Variants in GCNT2 observed in about 807,000 individuals in gnomAD.
GCNT2 encodes N-acetyllactosaminide beta-1,6-N-acetylglucosaminyl-transferase.
GCNT2 carries 34 observed loss-of-function variants against 34.2 expected under a neutral mutation model. The observed-to-expected ratio is 1.00, with a 90% CI of 0.76 to 1.32. GCNT2 has a LOEUF of 1.32. Ranked by LOEUF, GCNT2 falls within the 40% of genes most tolerant of loss-of-function variation. GCNT2 has a pLI of 0.00. For missense variants in GCNT2, 584 were observed against 489.4 expected (o/e 1.19, Z -1.82); for synonymous variants, 212 against 188.0 (o/e 1.13, Z -1.04).
rs769852310 is a variant in GCNT2, at chr6:10,561,183, G to C, written c.925+31347G>C. Among the ~76,000 whole-genome samples the C allele has an allele frequency of 9.7e-4, 145 of 149,562 alleles. 1 individual carries two copies. Among genetic ancestry groups the C allele is most frequent in the Admixed American group, 8.6e-4 (13 of 15,080 alleles). On this transcript the variant is annotated intron_variant, in intron 3 of 4. Transcript: ENST00000495262. ...TTTTCTTTTCTTTTTCTTTTTTTTT[G>C]AGACAGAGTTTCACTCTTGCCCAGG...
chr6:10,552,074 A>C (rs1430440530), intron 3 of GCNT2, among the ~76,000 whole-genome samples: 2 of 152,130 alleles, frequency 1.3e-5, no homozygotes, highest in Non-Finnish European at 2.9e-5. Flanking sequence ...TGAGAATTTA[A>C]AATAATGCTT....
intron 4 of GCNT2, among the ~76,000 whole-genome samples, chr6:10,622,742 CTTTTTTTTTTTTT>C (rs36097125): frequency 1.2e-4 from 9 of 74,474 alleles, no homozygotes; most frequent in Non-Finnish European, 2.4e-4. Context: ...CTCAGTCCAT[CTTTTTTTTTTTTT>C]TTTTTTTTTT....
chr6:10,555,851 G>C, intron 3 of GCNT2: 1 of 985,452 alleles, frequency 1.0e-6, no homozygotes, highest in South Asian at 4.7e-5. Context: ...GAAAACAGAA[G>C]CTATTTTCTA....
intron 3 of GCNT2, among the ~76,000 whole-genome samples, chr6:10,553,359 G>A (rs1762559589): frequency 6.6e-6 from 1 of 152,132 alleles, no homozygotes; most frequent in Admixed American, 6.6e-5. Flanking sequence ...AGTTGACTTA[G>A]CCTGGCATGT....
At chr6:10,535,392 C>A (rs1168808706) in intron 3 of GCNT2, among the ~76,000 whole-genome samples, 1 of 152,180 alleles carries the variant, frequency 6.6e-6, no homozygotes, top group African/African-American at 2.4e-5. Flanking sequence ...CCTTTTTCCT[C>A]TCCCCACTTC....
intron 2 of GCNT2, 171 bp from the exon 3 acceptor site, chr6:10,528,460 A>T: frequency 4.6e-6 from 1 of 215,704 alleles, no homozygotes; most frequent in Non-Finnish European, 9.4e-6. Flanking sequence ...ATTAACAGGA[A>T]GCAGGGGAGG....
intron 3 of GCNT2, among the ~76,000 whole-genome samples, chr6:10,577,147 G>A (rs771679696): frequency 2.6e-5 from 4 of 152,204 alleles, no homozygotes; most frequent in Non-Finnish European, 5.9e-5. Context: ...GGGCGTGTGT[G>A]ACTTTGGCCT....
intron 3 of GCNT2, among the ~76,000 whole-genome samples, chr6:10,564,055 T>G (rs2127388698): frequency 6.6e-6 from 1 of 152,198 alleles, no homozygotes; most frequent in South Asian, 2.1e-4. Context: ...TCTTTCATCC[T>G]GATATTCAGC....
chr6:10,613,856 G>A (rs1765657944), intron 3 of GCNT2, among the ~76,000 whole-genome samples: 1 of 152,188 alleles, frequency 6.6e-6, no homozygotes, highest in Non-Finnish European at 1.5e-5. Flanking sequence ...GGGATACCCA[G>A]CTGGTTAGTG....
intron 3 of GCNT2, among the ~76,000 whole-genome samples, chr6:10,566,671 C>A (rs1763297322): frequency 6.6e-6 from 1 of 152,206 alleles, no homozygotes; most frequent in Non-Finnish European, 1.5e-5. Context: ...GCTGCACGGG[C>A]CTATTTCTGT....
intron 3 of GCNT2, among the ~76,000 whole-genome samples, chr6:10,579,730 G>C (rs579394): frequency 1 from 151,335 of 151,686 alleles, 75,494 homozygotes; most frequent in Middle Eastern, 1. Flanking sequence ...GCAAGAGAAT[G>C]GCTTGAACCC....
chr6:10,606,090 A>AG (rs1380762499), intron 3 of GCNT2, among the ~76,000 whole-genome samples: 1 of 152,204 alleles, frequency 6.6e-6, no homozygotes, highest in Non-Finnish European at 1.5e-5. Context: ...CAAGGCAAGC[A>AG]GATCACCTGA....
Position 10,529,773 on chromosome 6 carries a change from T to C in GCNT2, c.862T>C (p.Ser288Pro), listed in dbSNP as rs771822241. 1.5e-4 allele frequency: 239 copies of C among 1,614,026 alleles called. No individual in the cohort carries two copies. Among genetic ancestry groups the C allele is most frequent in the Non-Finnish European group, 1.9e-4 (230 of 1,179,996 alleles). ...LQDQLALDLL[S>P]WSKDTYSPDE... is the part of the protein sequence containing the mutation. ...AGACCAGCTCGCACTTGACTTACTC[T>C]CCTGGTCCAAGGACACCTACAGCCC... Residue 288 changes from serine (S) to proline (P), a missense_variant, in exon 3 of 5, where the codon TCC becomes CCC. Physicochemically the swap from Ser to Pro is moderately conservative, Grantham distance 74. Transcript: ENST00000495262.
chr6:10,586,956 T>C, intron 3 of GCNT2: 2 of 1,368,122 alleles, frequency 1.5e-6, no homozygotes, highest in Non-Finnish European at 2.1e-6. Flanking sequence ...TTGAGTTTGC[T>C]AACATTCTGC....
chr6:10,524,190 G>A (rs1045021202), intron 1 of GCNT2, among the ~76,000 whole-genome samples: 2 of 151,696 alleles, frequency 1.3e-5, no homozygotes, highest in South Asian at 2.1e-4. Context: ...CTTATTCAAC[G>A]GCTCCAAGCC....
At chr6:10,569,277 C>T (rs201571480) in intron 3 of GCNT2, among the ~76,000 whole-genome samples, 24 of 37,528 alleles carry the variant, frequency 6.4e-4, no homozygotes, top group Non-Finnish European at 1.3e-3. Context: ...ACACACACCC[C>T]CTAGGTAATT....
chr6:10,551,724 T>A (rs1762490080), intron 3 of GCNT2, among the ~76,000 whole-genome samples: 1 of 151,928 alleles, frequency 6.6e-6, no homozygotes, highest in Admixed American at 6.6e-5. Flanking sequence ...ATTACGGGCA[T>A]GAGCCACTGC....
In GCNT2 at chr6:10,595,606, G is replaced by A. The variant is rs77969438; in HGVS notation, c.926-25745G>A. ...TTGGGTTGCTTTCTTTTCTTAAGCCGTACCATGTTCCAGAAAGGACTTAAG... is the reference window on the plus strand; with the variant it reads ...TTGGGTTGCTTTCTTTTCTTAAGCCATACCATGTTCCAGAAAGGACTTAAG... On this transcript the variant is annotated intron_variant, in intron 3 of 4. Transcript: ENST00000495262. Among the ~76,000 whole-genome samples, 22 of 152,100 alleles carry A rather than the reference G, an allele frequency of 1.4e-4. No homozygotes were observed. In the East Asian group the frequency reaches 3.3e-3, roughly 23 times the overall value.
chr6:10,586,310 T>G (rs1013530040), intron 3 of GCNT2: 2 of 1,614,118 alleles, frequency 1.2e-6, no homozygotes, highest in Admixed American at 1.7e-5. Flanking sequence ...ATAAGGACTT[T>G]GACACCTTTG....
Sources: gnomAD v4.1 joint callset for allele counts (sites outside exome capture counted in the v4.1 genomes callset) on GRCh38, gnomAD v4.1.1 for gene constraint, MANE v1.5 for transcripts, NCBI Gene and HGNC (gene_info 2026-07-23, HGNC 2026-07-21) for gene names.